The following SLC45A2 variants were observed in gnomAD, a reference collection of about 807,000 sequenced individuals.
SLC45A2 encodes membrane-associated transporter protein.
A neutral mutation model predicts 45.5 loss-of-function variants in SLC45A2; 36 were observed. The ratio of observed to expected loss-of-function variants is 0.79; its 90% CI spans 0.61 to 1.04. SLC45A2 has a LOEUF of 1.04. Ranked by LOEUF, SLC45A2 falls within the 50% of genes least tolerant of loss-of-function variation. The pLI is 0.00. For missense variants in SLC45A2, 719 were observed against 671.0 expected (o/e 1.07, Z -0.79); for synonymous variants, 306 against 269.3 (o/e 1.14, Z -1.33).
At chr5:33,971,951 G>C (rs1243992351) in intron 2 of SLC45A2, 2 of 428,688 alleles carry the variant, frequency 4.7e-6, no homozygotes, top group Non-Finnish European at 4.7e-6. Context: ...TGTATCTTCT[G>C]TAGAGATGGG....
chr5:33,946,777 C>A, intron 6 of SLC45A2: 1 of 1,146,786 alleles, frequency 8.7e-7, no homozygotes, highest in Non-Finnish European at 1.1e-6. Context: ...TTGTCGGTAT[C>A]TAGAAATGCT....
At chr5:33,959,999 T>A (rs754433207) in intron 3 of SLC45A2, among the ~76,000 whole-genome samples, 8 of 152,070 alleles carry the variant, frequency 5.3e-5, no homozygotes, top group Non-Finnish European at 5.9e-5. Context: ...GCAAAAAAAA[T>A]TCCTTAAAAT....
At chr5:33,980,281 C>A (rs923527300) in intron 2 of SLC45A2, among the ~76,000 whole-genome samples, 1 of 151,036 alleles carries the variant, frequency 6.6e-6, no homozygotes. Flanking sequence ...AAAAAAAAAA[C>A]CATGATTTAT....
At chr5:33,950,167 G>A (rs1752056969) in intron 5 of SLC45A2, among the ~76,000 whole-genome samples, 1 of 152,032 alleles carries the variant, frequency 6.6e-6, no homozygotes, top group Non-Finnish European at 1.5e-5. Context: ...TCCAGCTCAG[G>A]TGGCAGAGTG....
At chr5:33,967,634 T>C (rs1752636220) in intron 2 of SLC45A2, among the ~76,000 whole-genome samples, 1 of 152,192 alleles carries the variant, frequency 6.6e-6, no homozygotes, top group African/African-American at 2.4e-5. Context: ...CCTGTAAAAT[T>C]AAGGTAGTTT....
intron 2 of SLC45A2, among the ~76,000 whole-genome samples, chr5:33,980,387 A>G (rs1753042739): frequency 6.6e-6 from 1 of 152,206 alleles, no homozygotes; most frequent in Non-Finnish European, 1.5e-5. Context: ...CTAAAATTTG[A>G]CAATTGATTC....
intron 2 of SLC45A2, among the ~76,000 whole-genome samples, chr5:33,980,309 G>C (rs902823543): frequency 1.3e-5 from 2 of 151,132 alleles, no homozygotes; most frequent in African/African-American, 2.4e-5. Flanking sequence ...CCAATTTCTA[G>C]AGTTTTAATA....
intron 2 of SLC45A2, 132 bp downstream of exon 2, chr5:33,982,104 G>C (rs1753093549): frequency 2.1e-6 from 2 of 971,392 alleles, no homozygotes; most frequent in African/African-American, 1.6e-5. Flanking sequence ...GACAGTGCCC[G>C]CATGACGGGA....
intron 2 of SLC45A2, among the ~76,000 whole-genome samples, chr5:33,973,095 T>C (rs1450038548): frequency 6.6e-6 from 1 of 152,138 alleles, no homozygotes; most frequent in South Asian, 2.1e-4. Context: ...GGGGTGTGTG[T>C]TTGCGATCAG....
At chr5:33,971,594 A>G (rs1752778335) in intron 2 of SLC45A2, among the ~76,000 whole-genome samples, 1 of 152,136 alleles carries the variant, frequency 6.6e-6, no homozygotes, top group Admixed American at 6.5e-5. Context: ...GTGCACCACC[A>G]TGCCCAACTA....
rs376727277 is a variant in SLC45A2 at position 33,944,810 on chromosome 5, G to A, written c.1431C>T (p.Ala477=). The A allele has an allele frequency of 8.1e-6, 13 of 1,614,212 alleles. No individual in the cohort carries two copies. In the South Asian group the frequency reaches 1.4e-4, roughly 18 times the overall value. ...NSVRGKGMDC[A]TLTCMVQLAQ... is the part of the protein sequence containing the mutation. ...CCAGCTGCACCATGCATGTGAGGGT[G>A]GCGCAGTCCATGCCCTTCCCTCTCA... Residue 477 remains alanine, a synonymous_variant, in exon 7 of 7, where the codon GCC becomes GCT. Transcript: ENST00000296589.
At chr5:33,951,946 C>A (rs920883963) in intron 4 of SLC45A2, among the ~76,000 whole-genome samples, 1 of 152,124 alleles carries the variant, frequency 6.6e-6, no homozygotes, top group Non-Finnish European at 1.5e-5. Flanking sequence ...CTGGCCCCAC[C>A]TGACTTAGGA....
Position 33,958,178 on chromosome 5 carries a change from A to G in SLC45A2, c.889-3674T>C, listed in dbSNP as rs3776560. Among the ~76,000 whole-genome samples, 6 of 152,340 alleles carry G rather than the reference A, an allele frequency of 3.9e-5. No individual in the cohort carries two copies. The East Asian group carries it at 9.6e-4, about 24-fold the overall frequency. On this transcript the variant is annotated intron_variant, in intron 3 of 6. Transcript: ENST00000296589. The stretch of plus-strand genomic sequence containing the variant: ...ATACCCTCAAAAGGAGACTATTTAA[A>G]TGTTAAAGGGAGCAACTGACGACAT...
chr5:33,972,789 G>C (rs1477085614), intron 2 of SLC45A2, among the ~76,000 whole-genome samples: 1 of 152,090 alleles, frequency 6.6e-6, no homozygotes, highest in Non-Finnish European at 1.5e-5. Context: ...CAACTTTTAG[G>C]ACTGATATGG....
At chr5:33,966,427 CTTTTT>C (rs367752652) in intron 2 of SLC45A2, among the ~76,000 whole-genome samples, 1 of 95,196 alleles carries the variant, frequency 1.1e-5, no homozygotes, top group Non-Finnish European at 2.0e-5. Flanking sequence ...AAGCTACTTT[CTTTTT>C]TTTTTTTTTT....
At chr5:33,951,795 G>A (rs1010138248) in intron 4 of SLC45A2, 118 bp from the exon 5 acceptor site, 1 of 1,260,998 alleles carries the variant, frequency 7.9e-7, no homozygotes. Context: ...ACCCTTTCTA[G>A]AGTACAGAGC....
intron 3 of SLC45A2, among the ~76,000 whole-genome samples, chr5:33,956,036 C>T (rs1561360073): frequency 6.6e-6 from 1 of 151,942 alleles, no homozygotes; most frequent in African/African-American, 2.4e-5. Context: ...ATGAAGTCCT[C>T]AGGGGCAGAC....
Position 33,951,848 on chromosome 5 carries a change from C to CAAG in SLC45A2, c.1033-174_1033-172dup, listed in dbSNP as rs369640667. Reference sequence around the variant, plus strand: ...AGTCGCATCCTATCACATCTTCATTCAAGGACCTATCAGAAATCTAATGCT... The same window carrying CAAG: ...AGTCGCATCCTATCACATCTTCATTCAAGAAGGACCTATCAGAAATCTAATGCT... On this transcript the variant is annotated intron_variant, in intron 4 of 6. Coordinates refer to ENST00000296589, the MANE Select transcript of SLC45A2 (RefSeq NM_016180.5). Among the ~76,000 whole-genome samples, 8 of 152,282 alleles carry CAAG rather than the reference C, an allele frequency of 5.3e-5. No individual in the cohort carries two copies. The East Asian group carries it at 1.5e-3, about 29-fold the overall frequency.
At position 33,984,304 on chromosome 5, in the gene SLC45A2, G is replaced by C. The variant is rs375468358; in HGVS notation, c.280C>G (p.His94Asp). Residue 94 changes from histidine (H) to aspartate (D), a missense_variant, in exon 1 of 7, where the codon CAC (histidine) becomes GAC (aspartate). Transcript: ENST00000296589. ...CGGCGGCCCCACCTGGACCGGCAGT[G>C]GTCGCTGGCCGATCCGACCACGGGC... ...LQPVVGSASDHCRSRWGRRRP... is the reference protein window; with the variant it reads ...LQPVVGSASDDCRSRWGRRRP... 6.8e-5 allele frequency: 110 copies of C among 1,614,038 alleles called. No individual in the cohort carries two copies. Among genetic ancestry groups the C allele is most frequent in the South Asian group, 5.5e-4 (50 of 91,088 alleles).
Sources: allele counts gnomAD v4.1 joint callset (sites outside exome capture counted in the v4.1 genomes callset), GRCh38; gene constraint gnomAD v4.1.1; transcripts MANE v1.5; gene names NCBI Gene and HGNC (gene_info 2026-07-23, HGNC 2026-07-21).